FAR1: variants seen among roughly 807,000 people sequenced by gnomAD.
The protein encoded by FAR1 is fatty acyl-CoA reductase 1.
A neutral mutation model predicts 61.1 loss-of-function variants in FAR1; 22 were observed. The observed-to-expected ratio is 0.36, with a 90% CI of 0.26 to 0.51. FAR1 has a LOEUF of 0.51. FAR1 is among the 20% of genes least tolerant of loss of function. The pLI is 0.95. For missense variants in FAR1, 359 were observed against 626.9 expected, an observed-to-expected ratio of 0.57 and a Z score of 4.56; for synonymous variants, 206 against 209.7, an observed-to-expected ratio of 0.98 and a Z score of 0.15.
chr11:13,718,564 C>T (rs1848577865), intron 9 of FAR1, among the ~76,000 whole-genome samples: 1 of 152,186 alleles, frequency 6.6e-6, no homozygotes, highest in African/African-American at 2.4e-5. Flanking sequence ...CCACTTGACC[C>T]TGAAGCCAAT....
chr11:13,719,683 A>G (rs1196311456), intron 9 of FAR1, among the ~76,000 whole-genome samples: 1 of 152,158 alleles, frequency 6.6e-6, no homozygotes, highest in East Asian at 1.9e-4. Context: ...GAGACATTTG[A>G]CAACATTTGC....
chr11:13,727,810 T>C, intron 11 of FAR1, 127 bp downstream of exon 11: 1 of 872,226 alleles, frequency 1.1e-6, no homozygotes, highest in Non-Finnish European at 1.7e-6. Flanking sequence ...AATGGTAATC[T>C]CTTATATTTG....
intron 3 of FAR1, among the ~76,000 whole-genome samples, chr11:13,704,783 T>G (rs951288419): frequency 6.6e-6 from 1 of 152,182 alleles, no homozygotes; most frequent in African/African-American, 2.4e-5. Flanking sequence ...GACAGTATTT[T>G]CTCAGGGGCA....
At chr11:13,695,787 A>G (rs1051205750) in intron 2 of FAR1, among the ~76,000 whole-genome samples, 1 of 152,218 alleles carries the variant, frequency 6.6e-6, no homozygotes, top group Non-Finnish European at 1.5e-5. Context: ...AATGAACTTC[A>G]TATACCTTTA....
intron 1 of FAR1, among the ~76,000 whole-genome samples, chr11:13,693,948 C>T (rs1405580791): frequency 6.6e-6 from 1 of 152,166 alleles, no homozygotes; most frequent in African/African-American, 2.4e-5. Context: ...GCTCCTTATT[C>T]TCTCTCTGGT....
At position 13,722,471 on chromosome 11, in the gene FAR1, TTTTTTC is replaced by T. The variant is rs1848620688; in HGVS notation, c.1257+624_1257+629del. ...TACATTACTTCAGTTCTCTAATTTT[TTTTTTC>T]TTTTTCTTTTTTTTTGAGATAGAGT... On this transcript the variant is annotated intron_variant, in intron 10 of 11. Coordinates refer to ENST00000354817, the MANE Select transcript of FAR1 (RefSeq NM_032228.6). Among the ~76,000 whole-genome samples, 2 of 152,050 alleles carry T rather than the reference TTTTTTC, an allele frequency of 1.3e-5. 1 individual carries two copies. The highest frequency in any genetic ancestry group is 4.1e-4 in the South Asian group (2 of 4,826).
intron 4 of FAR1, 45 bp downstream of exon 4, chr11:13,708,124 G>T: frequency 1.4e-6 from 2 of 1,406,058 alleles, no homozygotes. Context: ...GATCCCAAAA[G>T]AGGCCAAGGC....
At chr11:13,705,035 G>A (rs886507542) in intron 3 of FAR1, among the ~76,000 whole-genome samples, 1 of 152,088 alleles carries the variant, frequency 6.6e-6, no homozygotes, top group Non-Finnish European at 1.5e-5. Context: ...AGACGAACAA[G>A]AAAATGTATT....
intron 8 of FAR1, 148 bp downstream of exon 8, chr11:13,713,181 A>G (rs893550131): frequency 8.5e-6 from 6 of 707,836 alleles, no homozygotes; most frequent in Non-Finnish European, 1.5e-5. Flanking sequence ...ATTATCTACC[A>G]ATACTACCTT....
chr11:13,710,578 C>T (rs1848487082), intron 4 of FAR1, 115 bp from the exon 5 acceptor site: 1 of 844,728 alleles, frequency 1.2e-6, no homozygotes, highest in African/African-American at 1.8e-5. Flanking sequence ...TAAAAGTTGT[C>T]AAATGATTTG....
chr11:13,712,501 CT>C (rs902795264), intron 7 of FAR1, among the ~76,000 whole-genome samples: 5 of 151,446 alleles, frequency 3.3e-5, no homozygotes, highest in Admixed American at 2.0e-4. Flanking sequence ...TTCCCAATAA[CT>C]TTTTTTTTCT....
chr11:13,727,787 G>A lies in FAR1; in HGVS notation c.1385+104G>A, dbSNP rs532809140. 20 of 1,086,140 alleles carry A rather than the reference G, an allele frequency of 1.8e-5. No homozygotes were observed. In the South Asian group the frequency reaches 3.1e-4, roughly 17 times the overall value. The allele number at this position is 1,086,140 out of a possible 1,614,324, so 67.3% of individuals were successfully genotyped here. A position where few individuals can be genotyped will look rare whatever the true frequency, so the allele number is the denominator to read the frequency against. ...TTTGCTATATCTGTCATTCAAAGAT[G>A]CAGATAATTTTTAATGGTAATCTCT... On this transcript the variant is annotated intron_variant, in intron 11 of 11. Coordinates refer to ENST00000354817, the MANE Select transcript of FAR1 (RefSeq NM_032228.6).
chr11:13,726,576 A>G (rs1279725112), intron 10 of FAR1, among the ~76,000 whole-genome samples: 1 of 151,676 alleles, frequency 6.6e-6, no homozygotes, highest in Admixed American at 6.6e-5. Flanking sequence ...GAGGTAATCT[A>G]TAGGACCTTT....
chr11:13,685,293 T>G (rs559325312), intron 1 of FAR1, among the ~76,000 whole-genome samples: 116 of 152,228 alleles, frequency 7.6e-4, no homozygotes, highest in African/African-American at 1.8e-3. Flanking sequence ...ATTTTTTTTT[T>G]TTTGTTTTTT....
chr11:13,725,990 A>G (rs1444774986), intron 10 of FAR1, among the ~76,000 whole-genome samples: 1 of 151,856 alleles, frequency 6.6e-6, no homozygotes, highest in African/African-American at 2.4e-5. Flanking sequence ...TATGTGTTAC[A>G]TAGAATTATG....
chr11:13,710,265 G>C (rs981180322), intron 4 of FAR1, among the ~76,000 whole-genome samples: 3 of 151,990 alleles, frequency 2.0e-5, no homozygotes, highest in African/African-American at 7.2e-5. Context: ...GAAGGTTTCA[G>C]ATATATTTTG....
At position 13,732,286 on chromosome 11, in the gene FAR1, T is replaced by C. The variant is rs932689227; in HGVS notation, c.*3512T>C. ...ACAAATCATCTTTGTCAGTTAAGTA[T>C]AGTTGCGCAAAAATTGTTAAATCCT... On this transcript the variant is annotated 3_prime_UTR_variant, in exon 12 of 12. Coordinates refer to ENST00000354817, the MANE Select transcript of FAR1 (RefSeq NM_032228.6). The C allele has an allele frequency of 6.6e-6, 1 of 152,224 alleles. No individual in the cohort carries two copies. Among genetic ancestry groups the C allele is most frequent in the Non-Finnish European group, 1.5e-5 (1 of 68,034 alleles). 9.4% of individuals were successfully genotyped at this position (152,224 alleles called of 1,614,324 possible).
Position 13,710,857 on chromosome 11 carries a change from A to G in FAR1, c.710A>G (p.Lys237Arg). Reference protein sequence around the residue: ...VRPSIVGASWKEPFPGWIDNF... With the variant: ...VRPSIVGASWREPFPGWIDNF... ...CCATCGATTGTTGGTGCCAGTTGGA[A>G]AGAACCTTTTCCAGTAAGTTGTTAG... is the stretch of plus-strand genomic sequence containing the variant. The change falls in exon 5 of 12, where the codon AAA becomes AGA. Residue 237 changes from lysine (K) to arginine (R), a missense_variant. This residue lies in a region of FAR1 where 344 missense variants were observed against 570.3 expected (regional missense o/e 0.60). Coordinates refer to ENST00000354817, the MANE Select transcript of FAR1 (RefSeq NM_032228.6). The G allele has an allele frequency of 6.2e-7, 1 of 1,610,566 alleles. No homozygotes were observed. The highest frequency in any genetic ancestry group is 8.5e-7 in the Non-Finnish European group (1 of 1,178,944).
chr11:13,692,566 G>T (rs2134178322), intron 1 of FAR1, among the ~76,000 whole-genome samples: 1 of 152,086 alleles, frequency 6.6e-6, no homozygotes, highest in South Asian at 2.1e-4. Flanking sequence ...TAATTTTGGT[G>T]TTCTATACTG....
Sources: allele counts gnomAD v4.1 joint callset (sites outside exome capture counted in the v4.1 genomes callset), GRCh38; gene constraint gnomAD v4.1.1; regional missense constraint gnomAD v4.1.1; transcripts MANE v1.5; gene names NCBI Gene and HGNC (gene_info 2026-07-23, HGNC 2026-07-21).